The following SBNO2 variants were observed in gnomAD, a reference collection of about 807,000 sequenced individuals.
SBNO2 encodes protein strawberry notch homolog 2.
Under a neutral mutation model 146.3 loss-of-function variants are expected in SBNO2, and 89 were observed. The ratio of observed to expected loss-of-function variants is 0.61; its 90% CI spans 0.51 to 0.73. SBNO2 has a LOEUF of 0.73. Among genes scored for constraint, SBNO2 ranks in the 30% least tolerant of loss-of-function variants. The pLI, the probability that SBNO2 is intolerant of heterozygous loss-of-function variation, is 0.00. For synonymous variants in SBNO2, 1,147 were observed against 892.6 expected (o/e 1.29, Z -5.08); for missense variants, 2,092 against 2,003.7 (o/e 1.04, Z -0.84).
intron 1 of SBNO2, among the ~76,000 whole-genome samples, chr19:1,167,302 G>A (rs946368833): frequency 2.6e-5 from 4 of 152,266 alleles, no homozygotes; most frequent in Non-Finnish European, 4.4e-5. Context: ...TGCTGACAAC[G>A]ACACCCACGC....
intron 3 of SBNO2, among the ~76,000 whole-genome samples, chr19:1,148,389 G>C (rs915539948): frequency 1.3e-5 from 2 of 151,928 alleles, no homozygotes; most frequent in African/African-American, 4.8e-5. Context: ...TGCACAGCCT[G>C]CTCGACTGCT....
chr19:1,114,499 A>G, intron 17 of SBNO2, 77 bp from the exon 18 acceptor site: 2 of 1,263,782 alleles, frequency 1.6e-6, no homozygotes, highest in South Asian at 3.1e-5. Flanking sequence ...GCAGCAGGAC[A>G]GAGCAAGGCC....
chr19:1,164,899 G>A (rs2080395889), intron 1 of SBNO2, among the ~76,000 whole-genome samples: 1 of 147,444 alleles, frequency 6.8e-6, no homozygotes, highest in African/African-American at 2.5e-5. Context: ...AGGAGGAGGA[G>A]GAGGAGGAGG....
chr19:1,168,014 G>C (rs2080442350), intron 1 of SBNO2, among the ~76,000 whole-genome samples: 1 of 152,160 alleles, frequency 6.6e-6, no homozygotes. Flanking sequence ...CCAGAGCTGG[G>C]GGAGGGGGCC....
In SBNO2 at chr19:1,109,305, C is replaced by A. The variant is rs370823591; in HGVS notation, c.3335G>T (p.Arg1112Leu). ...SQLEALDSLR[R>L]KFHRVTAEEA... The stretch of plus-strand genomic sequence containing the variant: ...GCGGCCGCCTACCCGGTGGAACTTG[C>A]GGCGGAGGCTGTCCAGGGCCTCCAG... The change falls in exon 29 of 32, where the codon CGC (arginine) becomes CTC (leucine). Residue 1112 changes from arginine (R) to leucine (L), a missense_variant. Transcript: ENST00000361757. This position sits in a 1 kb window ranked among gnomAD's most constrained non-coding sequence, Gnocchi z 4.2. 2 of 1,595,896 alleles carry A rather than the reference C, an allele frequency of 1.3e-6. No individual in the cohort carries two copies. The highest frequency in any genetic ancestry group is 2.3e-5 in the East Asian group (1 of 44,022).
rs779917708 is a variant in SBNO2, at chr19:1,122,746, T to C, written c.826A>G (p.Ile276Val). 8.6e-5 allele frequency: 132 copies of C among 1,536,480 alleles called. No homozygotes were observed. The highest frequency in any genetic ancestry group is 1.1e-4 in the Non-Finnish European group (128 of 1,145,792). The change falls in exon 9 of 32, where the codon ATC (isoleucine) becomes GTC (valine). Residue 276 changes from isoleucine to valine, a missense_variant. Coordinates refer to ENST00000361757, the MANE Select transcript of SBNO2 (RefSeq NM_014963.3). ...TTGCCCACGCCGGCCCCATCGCCGATGAGAAAGCCCGCGCGCTGCCCGCTG... is the reference window on the plus strand; with the variant it reads ...TTGCCCACGCCGGCCCCATCGCCGACGAGAAAGCCCGCGCGCTGCCCGCTG... The part of the protein sequence containing the change: ...LPSGQRAGFL[I>V]GDGAGVGKGR...
intron 1 of SBNO2, among the ~76,000 whole-genome samples, chr19:1,156,453 C>T (rs2080290255): frequency 6.6e-6 from 1 of 152,132 alleles, no homozygotes; most frequent in African/African-American, 2.4e-5. Context: ...GGCGGATCCT[C>T]ACACACGGCT....
rs752493107 is a variant in SBNO2 at position 1,109,547 on chromosome 19, C to A, written c.3175G>T (p.Ala1059Ser). 2 of 1,601,626 alleles carry A rather than the reference C, an allele frequency of 1.2e-6. No individual in the cohort carries two copies. The highest frequency in any genetic ancestry group is 1.3e-5 in the African/African-American group (1 of 74,862). Residue 1059 changes from alanine to serine, a missense_variant, in exon 28 of 32, where the codon GCG becomes TCG. By Grantham distance (99) the Ala-to-Ser change is moderately conservative (BLOSUM62 1). Coordinates refer to ENST00000361757, the MANE Select transcript of SBNO2 (RefSeq NM_014963.3). This position sits in a 1 kb window ranked among gnomAD's most constrained non-coding sequence, Gnocchi z 4.2. ...KWEDAFAKSL[A>S]LTGPYDGFYL... ...AAGCCGTCATAGGGGCCCGTCAGCG[C>A]CAGCGACTTGGCAAAGGCGTCCTCC...
Position 1,111,973 on chromosome 19 carries a change from C to T in SBNO2, c.2700+23G>A, listed in dbSNP as rs756643076. ...AGACCCCTGCCCCTGCCCCGCCCCCCAACCCTGCCTTCCCTGCAGTACCTT... is the reference window on the plus strand; with the variant it reads ...AGACCCCTGCCCCTGCCCCGCCCCCTAACCCTGCCTTCCCTGCAGTACCTT... On this transcript the variant is annotated intron_variant, in intron 23 of 31. Coordinates refer to ENST00000361757, the MANE Select transcript of SBNO2 (RefSeq NM_014963.3). 1.1e-5 allele frequency: 17 copies of T among 1,607,542 alleles called. No individual in the cohort carries two copies. The South Asian group carries it at 1.4e-4, about 14-fold the overall frequency.
At chr19:1,172,714 C>G (rs995062094) in intron 1 of SBNO2, among the ~76,000 whole-genome samples, 1 of 151,828 alleles carries the variant, frequency 6.6e-6, no homozygotes, top group African/African-American at 2.4e-5. Flanking sequence ...GTCCTCGGCC[C>G]CTCCCATGCT....
rs2080503601 is a variant in SBNO2 at position 1,173,760 on chromosome 19, G to A, written c.-127+412C>T. ...GGGTGCGGGGTCACCAAGGGGCTCG[G>A]GGGCACCGATGAGTGCGGGGTCAAG... is the stretch of plus-strand genomic sequence containing the variant. On this transcript the variant is annotated intron_variant, in intron 1 of 31. Coordinates refer to ENST00000361757, the MANE Select transcript of SBNO2 (RefSeq NM_014963.3). The surrounding 1 kb of genome is among the most constrained non-coding windows in gnomAD (Gnocchi z 4.7). 6.6e-6 allele frequency: 1 copy of A among 152,418 alleles called. No individual in the cohort carries two copies. Among genetic ancestry groups the A allele is most frequent in the South Asian group, 2.1e-4 (1 of 4,842 alleles). The allele number at this position is 152,418 out of a possible 1,614,324, so 9.4% of individuals were successfully genotyped here. A position where few individuals can be genotyped will look rare whatever the true frequency, so the allele number is the denominator to read the frequency against.
At chr19:1,115,641 C>G (rs188037500) in intron 17 of SBNO2, 336 of 306,830 alleles carry the variant, frequency 1.1e-3, no homozygotes, top group Middle Eastern at 4.9e-3. Flanking sequence ...CAGACTTCGA[C>G]AGGCAGCTCT....
chr19:1,133,681 C>T (rs1383103142), intron 4 of SBNO2, among the ~76,000 whole-genome samples: 1 of 152,222 alleles, frequency 6.6e-6, no homozygotes, highest in African/African-American at 2.4e-5. Flanking sequence ...GGGAAGAAAC[C>T]CACGGAGCCG....
chr19:1,148,319 G>A (rs1044650350), intron 3 of SBNO2, among the ~76,000 whole-genome samples: 11 of 151,944 alleles, frequency 7.2e-5, no homozygotes, highest in Non-Finnish European at 1.0e-4. Flanking sequence ...GCCACAAACA[G>A]CTGCTCCACA....
At chr19:1,166,942 T>C (rs2080431838) in intron 1 of SBNO2, among the ~76,000 whole-genome samples, 1 of 152,200 alleles carries the variant, frequency 6.6e-6, no homozygotes. Context: ...AGCCGGGCTA[T>C]GCTGATCCCA....
chr19:1,108,456 C>A lies in SBNO2; in HGVS notation c.3865G>T (p.Val1289Leu). The change falls in exon 32 of 32, where the codon GTG becomes TTG. Residue 1289 changes from valine to leucine, a missense_variant. By Grantham distance (32) the Val-to-Leu change is conservative. Coordinates refer to ENST00000361757, the MANE Select transcript of SBNO2 (RefSeq NM_014963.3). Reference protein sequence around the residue: ...PLSLDAGPGVVPLGTPDAQAD... With the variant: ...PLSLDAGPGVLPLGTPDAQAD... ...TGGGCGTCGGGGGTGCCCAGCGGCA[C>A]GACGCCGGGGCCGGCGTCCAGGGAC... The A allele has an allele frequency of 8.1e-7, 1 of 1,233,792 alleles. No homozygotes were observed. The highest frequency in any genetic ancestry group is 2.3e-5 in the South Asian group (1 of 43,102). The allele number at this position is 1,233,792 out of a possible 1,614,324, so 76.4% of individuals were successfully genotyped here. A position where few individuals can be genotyped will look rare whatever the true frequency, so the allele number is the denominator to read the frequency against.
intron 4 of SBNO2, among the ~76,000 whole-genome samples, chr19:1,129,562 C>T (rs2080004956): frequency 6.6e-6 from 1 of 152,130 alleles, no homozygotes; most frequent in Non-Finnish European, 1.5e-5. Context: ...AGGCCCCGAT[C>T]GGCAGGGTTG....
At chr19:1,154,061 T>C (rs2080266217) in intron 2 of SBNO2, 123 bp downstream of exon 2, 1 of 441,290 alleles carries the variant, frequency 2.3e-6, no homozygotes, top group African/African-American at 2.0e-5. Flanking sequence ...GCCAGGAAGG[T>C]CAGGTGGAGA....
intron 1 of SBNO2, among the ~76,000 whole-genome samples, chr19:1,159,441 C>T (rs573062161): frequency 9.8e-4 from 33 of 33,518 alleles, no homozygotes; most frequent in East Asian, 1.5e-3. Context: ...CTTGGGGGGA[C>T]GGGGGTAGCA....
Sources: gnomAD v4.1 joint callset for allele counts (sites outside exome capture counted in the v4.1 genomes callset) on GRCh38, gnomAD v4.1.1 for gene constraint, Gnocchi (gnomAD v3.1) non-coding constraint, MANE v1.5 for transcripts, NCBI Gene and HGNC (gene_info 2026-07-23, HGNC 2026-07-21) for gene names.